Variants in ADCY5 observed in about 807,000 individuals in gnomAD.
ADCY5 encodes adenylate cyclase 5.
A neutral mutation model predicts 119.7 loss-of-function variants in ADCY5; 30 were observed. The observed-to-expected ratio is 0.25, with a 90% confidence interval of 0.19 to 0.34. The LOEUF (loss-of-function observed/expected upper bound fraction) is 0.34, where lower values mean the gene tolerates loss of function less well. Ranked by LOEUF, ADCY5 falls within the 10% of genes least tolerant of loss-of-function variation. ADCY5 has a pLI of 1.00. For synonymous variants in ADCY5, 753 were observed against 762.2 expected, an observed-to-expected ratio of 0.99 and a Z score of 0.20; for missense variants, 1,324 against 1,775.2, an observed-to-expected ratio of 0.75 and a Z score of 4.57.
chr3:123,292,010 C>T (rs1365507373), intron 17 of ADCY5, among the ~76,000 whole-genome samples: 3 of 152,118 alleles, frequency 2.0e-5, no homozygotes, highest in African/African-American at 7.2e-5. Context: ...CAGTTTGGGT[C>T]CTGGGTCTAT....
At chr3:123,285,954 T>A (rs897592221) in intron 20 of ADCY5, among the ~76,000 whole-genome samples, 1 of 152,114 alleles carries the variant, frequency 6.6e-6, no homozygotes, top group Non-Finnish European at 1.5e-5. Flanking sequence ...AGCAGTATCA[T>A]CAGTGTTGGC....
chr3:123,448,150 A>G lies in ADCY5; in HGVS notation c.396T>C (p.Pro132=), dbSNP rs1163392198. 2 of 1,041,348 alleles carry G rather than the reference A, an allele frequency of 1.9e-6. No individual in the cohort carries two copies. The highest frequency in any genetic ancestry group is 1.7e-5 in the African/African-American group (1 of 57,642). The allele number at this position is 1,041,348 out of a possible 1,614,324, so 64.5% of individuals were successfully genotyped here. A position where few individuals can be genotyped will look rare whatever the true frequency, so the allele number is the denominator to read the frequency against. The change falls in exon 1 of 21, where the codon CCT becomes CCC. Residue 132 remains proline, a synonymous_variant. Transcript: ENST00000462833. ...CCGCCGAGCCGCCGCCGCCGCCCGC[A>G]GGGGGCGCCCGGGTGCTGCCCCCGC... The part of the protein sequence containing the change: ...AASGGSTRAP[P]AGGGGGSAAA...
chr3:123,334,627 A>G (rs1288198717), intron 3 of ADCY5, among the ~76,000 whole-genome samples: 1 of 152,132 alleles, frequency 6.6e-6, no homozygotes, highest in Admixed American at 6.5e-5. Context: ...AATCTCAGCT[A>G]CTCAAGAGGC....
At chr3:123,343,377 C>T (rs1942376758) in intron 3 of ADCY5, among the ~76,000 whole-genome samples, 1 of 152,176 alleles carries the variant, frequency 6.6e-6, no homozygotes, top group African/African-American at 2.4e-5. Flanking sequence ...ACCATCCCCA[C>T]CCCATGTTAC....
chr3:123,439,722 G>A (rs989336073), intron 1 of ADCY5, among the ~76,000 whole-genome samples: 1 of 152,194 alleles, frequency 6.6e-6, no homozygotes, highest in African/African-American at 2.4e-5. Context: ...GACACATTTA[G>A]TGGGAGAGCC....
At chr3:123,383,212 A>G (rs148381819) in intron 1 of ADCY5, among the ~76,000 whole-genome samples, 1 of 152,286 alleles carries the variant, frequency 6.6e-6, no homozygotes, top group Non-Finnish European at 1.5e-5. Flanking sequence ...GAGGAGTCGC[A>G]TTTTGGAAAT....
chr3:123,301,844 G>A (rs538326861), intron 14 of ADCY5, among the ~76,000 whole-genome samples: 168 of 152,316 alleles, frequency 1.1e-3, no homozygotes, highest in Non-Finnish European at 1.4e-3. Flanking sequence ...AGGCTGGGGA[G>A]GGGAGGCTAG....
Position 123,331,006 on chromosome 3 carries a change from C to A in ADCY5, c.1529G>T (p.Cys510Phe). ...ATCCCCAAGGATCTTAATACGTAAA[C>A]AGTGATTCTCCTGGAAAGCAAATTA... ...RFDKLAAENH[C>F]LRIKILGDCY... Residue 510 changes from cysteine (C) to phenylalanine (F), a missense_variant, in exon 5 of 21, where the codon TGT becomes TTT. Cys to Phe is a radical substitution (Grantham distance 205, BLOSUM62 -2). Coordinates refer to ENST00000462833, the MANE Select transcript of ADCY5 (RefSeq NM_183357.3). The A allele has an allele frequency of 6.2e-7, 1 of 1,610,788 alleles. No individual in the cohort carries two copies. The highest frequency in any genetic ancestry group is 8.5e-7 in the Non-Finnish European group (1 of 1,178,896).
intron 1 of ADCY5, among the ~76,000 whole-genome samples, chr3:123,370,320 G>GT (rs754991942): frequency 3.3e-5 from 5 of 152,250 alleles, no homozygotes; most frequent in Non-Finnish European, 5.9e-5. Flanking sequence ...GGCAGAGACT[G>GT]TAAGTTGTCC....
chr3:123,297,341 G>A lies in ADCY5; in HGVS notation c.2930+12C>T, dbSNP rs1268284470. On this transcript the variant is annotated intron_variant, in intron 16 of 20. Transcript: ENST00000462833. ...GGCAGGGAGCGACCCTATCCGAGGA[G>A]CATCAACTCACCACTGGGAGGTCCC... is the stretch of plus-strand genomic sequence containing the variant. The A allele has an allele frequency of 3.1e-6, 5 of 1,613,558 alleles. No individual in the cohort carries two copies. Among genetic ancestry groups the A allele is most frequent in the African/African-American group, 1.3e-5 (1 of 74,912 alleles).
chr3:123,376,572 G>A (rs950694131), intron 1 of ADCY5, among the ~76,000 whole-genome samples: 2 of 152,146 alleles, frequency 1.3e-5, no homozygotes, highest in Non-Finnish European at 2.9e-5. Flanking sequence ...GACACTGTCT[G>A]CTGAGTGGAA....
chr3:123,352,207 C>G lies in ADCY5; in HGVS notation c.1284+225G>C, dbSNP rs1942860594. ...TGCAAACCACAGGGACGCCACATGG[C>G]TATGGGCACCAGGCCTTGGGCACGG... On this transcript the variant is annotated intron_variant, in intron 2 of 20. Transcript: ENST00000462833. This position sits in a 1 kb window ranked among gnomAD's most constrained non-coding sequence, Gnocchi z 4.8. 6.6e-6 allele frequency among the ~76,000 whole-genome samples: 1 copy of G among 152,146 alleles called. No individual in the cohort carries two copies. Among genetic ancestry groups the G allele is most frequent in the Non-Finnish European group, 1.5e-5 (1 of 68,012 alleles).
chr3:123,448,175 C>T lies in ADCY5; in HGVS notation c.371G>A (p.Ser124Asn). 8.5e-7 allele frequency: 1 copy of T among 1,171,628 alleles called. No individual in the cohort carries two copies. The highest frequency in any genetic ancestry group is 3.8e-5 in the East Asian group (1 of 26,450). 72.6% of individuals were successfully genotyped at this position (1,171,628 alleles called of 1,614,324 possible). Residue 124 changes from serine (S) to asparagine (N), a missense_variant, in exon 1 of 21, where the codon AGC becomes AAC. By Grantham distance (46) the Ser-to-Asn change is conservative. Coordinates refer to ENST00000462833, the MANE Select transcript of ADCY5 (RefSeq NM_183357.3). ...AGGGGGCGCCCGGGTGCTGCCCCCGCTGGCCGCGCCCCGCCGCTGCCGGCG... is the reference window on the plus strand; with the variant it reads ...AGGGGGCGCCCGGGTGCTGCCCCCGTTGGCCGCGCCCCGCCGCTGCCGGCG... Reference protein sequence around the residue: ...GSRRQRRGAASGGSTRAPPAG... With the variant: ...GSRRQRRGAANGGSTRAPPAG...
Position 123,417,878 on chromosome 3 carries a change from G to A in ADCY5, c.1134+29534C>T, listed in dbSNP as rs1945220246. ...AAATGATATAAATGAAGGCTCGTAA[G>A]GTAAGATGGCCTGGGATGCCTGCAA... On this transcript the variant is annotated intron_variant, in intron 1 of 20. Transcript: ENST00000462833. Among the ~76,000 whole-genome samples, 7 of 152,208 alleles carry A rather than the reference G, an allele frequency of 4.6e-5. No individual in the cohort carries two copies. The South Asian group carries it at 1.0e-3, about 23-fold the overall frequency.
In ADCY5 at chr3:123,352,413, G is replaced by C. The variant is rs778192247; in HGVS notation, c.1284+19C>G. The C allele has an allele frequency of 5.6e-5, 90 of 1,606,532 alleles. No homozygotes were observed. The highest frequency in any genetic ancestry group is 7.6e-5 in the Non-Finnish European group (90 of 1,177,834). ...GGCTCGACTCCGTCCCACTGTGCAAGGGCAGGGGCCTCACTCACCTGCTGC... is the reference window on the plus strand; with the variant it reads ...GGCTCGACTCCGTCCCACTGTGCAACGGCAGGGGCCTCACTCACCTGCTGC... On this transcript the variant is annotated intron_variant, in intron 2 of 20. Transcript: ENST00000462833. This position sits in a 1 kb window ranked among gnomAD's most constrained non-coding sequence, Gnocchi z 4.8.
chr3:123,367,785 C>G (rs1197346287), intron 1 of ADCY5: 7 of 1,402,998 alleles, frequency 5.0e-6, no homozygotes, highest in Non-Finnish European at 6.7e-6. Flanking sequence ...TCCACTCATG[C>G]CCACATCTCC....
chr3:123,448,563 C>G lies in ADCY5; in HGVS notation c.-18G>C, dbSNP rs1945874176. The G allele has an allele frequency of 9.5e-6, 12 of 1,262,730 alleles. No individual in the cohort carries two copies. The highest frequency in any genetic ancestry group is 1.2e-5 in the Non-Finnish European group (12 of 1,005,744). 78.2% of individuals were successfully genotyped at this position (1,262,730 alleles called of 1,614,324 possible). A position where few individuals can be genotyped will look rare whatever the true frequency, so the allele number is the denominator to read the frequency against. On this transcript the variant is annotated 5_prime_UTR_variant, in exon 1 of 21. Coordinates refer to ENST00000462833, the MANE Select transcript of ADCY5 (RefSeq NM_183357.3). ...CCGGACATCCCCCCCTCGGCCTCGT[C>G]GTCTCCTTCCTCCTCCCCCGGAAGC...
chr3:123,322,136 G>A (rs1258655401), intron 8 of ADCY5, among the ~76,000 whole-genome samples: 1 of 152,212 alleles, frequency 6.6e-6, no homozygotes, highest in Non-Finnish European at 1.5e-5. Context: ...GGATCCCTTG[G>A]AGCACAGGCG....
intron 3 of ADCY5, among the ~76,000 whole-genome samples, chr3:123,345,769 G>GAC (rs56185421): frequency 2.6e-5 from 3 of 113,762 alleles, no homozygotes; most frequent in African/African-American, 1.2e-4. Flanking sequence ...CAGACAGACA[G>GAC]ACACACACAC....
Sources: allele counts gnomAD v4.1 joint callset (sites outside exome capture counted in the v4.1 genomes callset), GRCh38; gene constraint gnomAD v4.1.1; non-coding constraint Gnocchi (gnomAD v3.1); transcripts MANE v1.5; gene names NCBI Gene and HGNC (gene_info 2026-07-23, HGNC 2026-07-21).